The following BLNK variants were observed in gnomAD, a reference collection of about 807,000 sequenced individuals.
The protein encoded by BLNK is B-cell linker protein.
A neutral mutation model predicts 73.5 loss-of-function variants in BLNK; 29 were observed. The ratio of observed to expected loss-of-function variants is 0.39; its 90% CI spans 0.29 to 0.54. The LOEUF is 0.54. Among genes scored for constraint, BLNK ranks in the 20% least tolerant of loss-of-function variants. The pLI, the probability that BLNK is intolerant of heterozygous loss-of-function variation, is 0.61. For missense variants in BLNK, 460 were observed against 562.8 expected (o/e 0.82, Z 1.85); for synonymous variants, 176 against 200.8 (o/e 0.88, Z 1.04).
chr10:96,268,178 A>G (rs112597482), intron 1 of BLNK, among the ~76,000 whole-genome samples: 2,836 of 152,326 alleles, frequency 0.019, 84 homozygotes, highest in African/African-American at 0.063. Flanking sequence ...TATGCTACAA[A>G]GAAAAATACA....
intron 6 of BLNK, among the ~76,000 whole-genome samples, chr10:96,223,158 T>G (rs1342003261): frequency 2.0e-5 from 3 of 152,124 alleles, no homozygotes; most frequent in Admixed American, 2.0e-4. Flanking sequence ...GCAAGAATGC[T>G]TCAAGGGATC....
In BLNK at chr10:96,264,643, A is replaced by G. The variant is rs561141214; in HGVS notation, c.47+6709T>C. 2.6e-5 allele frequency among the ~76,000 whole-genome samples: 4 copies of G among 152,290 alleles called. No homozygotes were observed. The South Asian group carries it at 6.2e-4, about 24-fold the overall frequency. ...TTAATAGAGCTGGAAAAAAGTCTTT[A>G]ATGAAAAAGATTGAACCCTTAAAGC... On this transcript the variant is annotated intron_variant, in intron 1 of 16. Coordinates refer to ENST00000224337, the MANE Select transcript of BLNK (RefSeq NM_013314.4).
At chr10:96,222,434 G>A (rs2084219462) in intron 6 of BLNK, among the ~76,000 whole-genome samples, 1 of 152,192 alleles carries the variant, frequency 6.6e-6, no homozygotes, top group African/African-American at 2.4e-5. Flanking sequence ...GGGACCTCTG[G>A]GAGCCATAAC....
intron 1 of BLNK, 100 bp downstream of exon 1, chr10:96,271,252 T>A: frequency 7.1e-7 from 1 of 1,403,306 alleles, no homozygotes; most frequent in Non-Finnish European, 1.0e-6. Flanking sequence ...CACTGGAAAC[T>A]AGCAAAGCAT....
chr10:96,215,521 G>A (rs1261746736), intron 7 of BLNK, 132 bp from the exon 8 acceptor site: 3 of 728,662 alleles, frequency 4.1e-6, no homozygotes, highest in African/African-American at 3.6e-5. Flanking sequence ...AAGAATGGGA[G>A]ACACCCTTAT....
chr10:96,235,211 G>A (rs1433887342), intron 3 of BLNK, among the ~76,000 whole-genome samples: 2 of 152,206 alleles, frequency 1.3e-5, no homozygotes, highest in Non-Finnish European at 1.5e-5. Context: ...GATCTTAGCT[G>A]AATTGCTTCA....
intron 1 of BLNK, among the ~76,000 whole-genome samples, chr10:96,252,566 T>C (rs1334722935): frequency 1.3e-5 from 2 of 152,212 alleles, no homozygotes; most frequent in African/African-American, 2.4e-5. Flanking sequence ...GAAGCATAAT[T>C]TGGGTGTGCG....
At position 96,210,054 on chromosome 10, in the gene BLNK, C is replaced by T. The variant is rs992264788; in HGVS notation, c.677-147G>A. ...GCACATATAGGTAGTTATATTGAAG[C>T]TATTAAGGAAAACTTGTGGGCAAAG... On this transcript the variant is annotated intron_variant, in intron 8 of 16. Coordinates refer to ENST00000224337, the MANE Select transcript of BLNK (RefSeq NM_013314.4). 3 of 840,044 alleles carry T rather than the reference C, an allele frequency of 3.6e-6. No homozygotes were observed. The African/African-American group carries it at 5.0e-5, about 14-fold the overall frequency. The allele number at this position is 840,044 out of a possible 1,614,324, so 52.0% of individuals were successfully genotyped here. A position where few individuals can be genotyped will look rare whatever the true frequency, so the allele number is the denominator to read the frequency against.
chr10:96,204,643 G>T (rs2083748644), intron 11 of BLNK, 27 bp from the exon 12 acceptor site: 1 of 1,609,192 alleles, frequency 6.2e-7, no homozygotes, highest in African/African-American at 1.3e-5. Context: ...ATCATATTAG[G>T]ATTAGAGTGA....
chr10:96,217,615 C>A (rs1379698051), intron 6 of BLNK, among the ~76,000 whole-genome samples: 9 of 152,086 alleles, frequency 5.9e-5, no homozygotes, highest in African/African-American at 1.9e-4. Flanking sequence ...TCTTTGGAGA[C>A]ATGTCTATTC....
chr10:96,210,177 C>T (rs1475084612), intron 8 of BLNK: 9 of 471,116 alleles, frequency 1.9e-5, no homozygotes, highest in South Asian at 6.2e-5. Context: ...TCTCCTTACC[C>T]GCCCCCTGCC....
At chr10:96,236,405 G>A (rs1158105141) in intron 3 of BLNK, among the ~76,000 whole-genome samples, 2 of 152,222 alleles carry the variant, frequency 1.3e-5, no homozygotes, top group African/African-American at 2.4e-5. Context: ...TGCAGGGGAG[G>A]CGGTGGGTGG....
At chr10:96,243,445 G>A (rs1246073855) in intron 2 of BLNK, among the ~76,000 whole-genome samples, 5 of 152,174 alleles carry the variant, frequency 3.3e-5, no homozygotes, top group Non-Finnish European at 5.9e-5. Flanking sequence ...TACTTGAGGG[G>A]CTAAGGTGGG....
At chr10:96,247,196 A>G (rs1843077516) in intron 1 of BLNK, 147 bp from the exon 2 acceptor site, 1 of 585,754 alleles carries the variant, frequency 1.7e-6, no homozygotes, top group African/African-American at 1.9e-5. Context: ...ATTTAATTAA[A>G]TTGACCATCT....
chr10:96,207,816 A>G (rs2083856654), intron 10 of BLNK, 56 bp downstream of exon 10: 1 of 1,592,400 alleles, frequency 6.3e-7, no homozygotes, highest in Admixed American at 1.7e-5. Flanking sequence ...AAATAAATGG[A>G]TAAGAATAAA....
At chr10:96,193,806 C>G (rs2083389622) in intron 16 of BLNK, among the ~76,000 whole-genome samples, 1 of 152,118 alleles carries the variant, frequency 6.6e-6, no homozygotes, top group Non-Finnish European at 1.5e-5. Flanking sequence ...GAATTGGTTA[C>G]TTTTTCTAGC....
chr10:96,214,261 A>G (rs138259448), intron 8 of BLNK, among the ~76,000 whole-genome samples: 4 of 152,238 alleles, frequency 2.6e-5, no homozygotes, highest in Admixed American at 1.3e-4. Flanking sequence ...TGTGCTGTTA[A>G]TGGGGGTCAT....
intron 16 of BLNK, among the ~76,000 whole-genome samples, chr10:96,196,640 T>C (rs2083473164): frequency 6.6e-6 from 1 of 152,210 alleles, no homozygotes; most frequent in African/African-American, 2.4e-5. Context: ...TATTTGCCCC[T>C]GGACTAAAAT....
At position 96,269,370 on chromosome 10, in the gene BLNK, G is replaced by A. The variant is rs146780204; in HGVS notation, c.47+1982C>T. On this transcript the variant is annotated intron_variant, in intron 1 of 16. Transcript: ENST00000224337. ...ACTTAAATTCCCACCTGGATTCCCT[G>A]AAAGAGAATGCATTTCTGTATAGTT... is the stretch of plus-strand genomic sequence containing the variant. 8.3e-3 allele frequency among the ~76,000 whole-genome samples: 1,216 copies of A among 146,700 alleles called. 23 individuals are homozygous for A. The highest frequency in any genetic ancestry group is 0.031 in the African/African-American group (1,137 of 36,764).
Sources: gnomAD v4.1 joint callset for allele counts (sites outside exome capture counted in the v4.1 genomes callset) on GRCh38, gnomAD v4.1.1 for gene constraint, MANE v1.5 for transcripts, NCBI Gene and HGNC (gene_info 2026-07-23, HGNC 2026-07-21) for gene names.